Variants in SGTA observed in about 807,000 individuals in gnomAD.
SGTA encodes the protein small glutamine-rich tetratricopeptide repeat-containing protein alpha.
Under a neutral mutation model 44.3 loss-of-function variants are expected in SGTA, and 22 were observed. The ratio of observed to expected loss-of-function variants is 0.50; its 90% CI spans 0.36 to 0.71. The LOEUF (loss-of-function observed/expected upper bound fraction) is 0.71. SGTA is among the 30% of genes least tolerant of loss of function. SGTA has a pLI of 0.00. For missense variants in SGTA, 341 were observed against 435.9 expected, an observed-to-expected ratio of 0.78 and a Z score of 1.94; for synonymous variants, 174 against 177.6, an observed-to-expected ratio of 0.98 and a Z score of 0.16.
chr19:2,757,532 C>A, intron 10 of SGTA, 75 bp from the exon 11 acceptor site: 1 of 1,551,348 alleles, frequency 6.4e-7, no homozygotes, highest in Non-Finnish European at 8.7e-7. Context: ...CCAGCTGACC[C>A]CTCGGGCCCT....
intron 1 of SGTA, among the ~76,000 whole-genome samples, chr19:2,781,056 C>T (rs948591049): frequency 3.3e-5 from 5 of 152,200 alleles, no homozygotes; most frequent in African/African-American, 1.2e-4. Context: ...GCACTCCAGC[C>T]TGGGCGACAG....
At chr19:2,775,357 C>A (rs1915421957) in intron 1 of SGTA, among the ~76,000 whole-genome samples, 1 of 152,208 alleles carries the variant, frequency 6.6e-6, no homozygotes, top group Non-Finnish European at 1.5e-5. Context: ...ACCGCATAAC[C>A]CACCCCGCGC....
intron 1 of SGTA, among the ~76,000 whole-genome samples, chr19:2,774,223 C>A (rs1351837297): frequency 6.6e-6 from 1 of 152,224 alleles, no homozygotes; most frequent in Admixed American, 6.5e-5. Context: ...CGTGACGACT[C>A]CAACAAGCGG....
Position 2,763,602 on chromosome 19 carries a change from G to A in SGTA, c.497+51C>T, listed in dbSNP as rs766329865. 1.6e-6 allele frequency: 2 copies of A among 1,271,816 alleles called. No homozygotes were observed. The highest frequency in any genetic ancestry group is 2.2e-6 in the Non-Finnish European group (2 of 891,030). 78.8% of individuals were successfully genotyped at this position (1,271,816 alleles called of 1,614,324 possible). A position where few individuals can be genotyped will look rare whatever the true frequency, so the allele number is the denominator to read the frequency against. ...CACAAGAGAGGAAGCAGGAGCAGGA[G>A]AGGAGGGGTCCCGAGAGACTGGAAA... is the stretch of plus-strand genomic sequence containing the variant. On this transcript the variant is annotated intron_variant, in intron 6 of 11. Coordinates refer to ENST00000221566, the MANE Select transcript of SGTA (RefSeq NM_003021.4). The surrounding 1 kb of genome is among the most constrained non-coding windows in gnomAD (Gnocchi z 5.8).
intron 1 of SGTA, among the ~76,000 whole-genome samples, chr19:2,771,629 C>T (rs1356847542): frequency 4.0e-5 from 6 of 151,872 alleles, no homozygotes; most frequent in Non-Finnish European, 8.8e-5. Context: ...AGTGAACACC[C>T]CCACACAGGC....
intron 1 of SGTA, chr19:2,770,768 C>G (rs1479812351): frequency 1.3e-5 from 2 of 153,168 alleles, no homozygotes; most frequent in African/African-American, 4.8e-5. Flanking sequence ...GGCCATGTGG[C>G]CACACGAAGA....
Position 2,755,330 on chromosome 19 carries a change from G to T in SGTA, c.*610C>A. Reference sequence around the variant, plus strand: ...AAACTGGTCCTATGCACCCAGGACGGCTCCTGAGCCGCGGAGGCGTGGGGT... The same window carrying T: ...AAACTGGTCCTATGCACCCAGGACGTCTCCTGAGCCGCGGAGGCGTGGGGT... On this transcript the variant is annotated 3_prime_UTR_variant, in exon 12 of 12. Transcript: ENST00000221566. This position sits in a 1 kb window ranked among gnomAD's most constrained non-coding sequence, Gnocchi z 5.2. 1.1e-6 allele frequency: 1 copy of T among 888,712 alleles called. No homozygotes were observed. Among genetic ancestry groups the T allele is most frequent in the Non-Finnish European group, 1.4e-6 (1 of 739,588 alleles). 55.1% of individuals were successfully genotyped at this position (888,712 alleles called of 1,614,324 possible). A position where few individuals can be genotyped will look rare whatever the true frequency, so the allele number is the denominator to read the frequency against.
chr19:2,774,277 C>T (rs758385306), intron 1 of SGTA, among the ~76,000 whole-genome samples: 14 of 152,156 alleles, frequency 9.2e-5, no homozygotes, highest in East Asian at 1.9e-4. Context: ...TGGGCAGGGA[C>T]GCGTGGTCGC....
chr19:2,771,028 T>G (rs1300962055), intron 1 of SGTA, among the ~76,000 whole-genome samples: 3 of 152,226 alleles, frequency 2.0e-5, no homozygotes, highest in Admixed American at 6.5e-5. Context: ...CGCCTCCATG[T>G]CTGTAAAATG....
intron 1 of SGTA, among the ~76,000 whole-genome samples, chr19:2,778,460 G>C (rs893282132): frequency 6.6e-5 from 10 of 152,002 alleles, no homozygotes; most frequent in African/African-American, 1.9e-4. Flanking sequence ...CTGTACCCCA[G>C]GGCTTTTGCA....
intron 9 of SGTA, 53 bp from the exon 10 acceptor site, chr19:2,757,835 A>C: frequency 8.0e-7 from 1 of 1,253,462 alleles, no homozygotes; most frequent in Non-Finnish European, 1.1e-6. Flanking sequence ...CGCCACCCCC[A>C]CTGCAGGCCC....
chr19:2,756,246 T>G (rs181008408), intron 11 of SGTA, among the ~76,000 whole-genome samples: 1 of 147,488 alleles, frequency 6.8e-6, no homozygotes, highest in African/African-American at 2.5e-5. Flanking sequence ...AAAGCTTATT[T>G]AAAAAAAAAA....
intron 7 of SGTA, 52 bp downstream of exon 7, chr19:2,762,454 A>C: frequency 6.3e-7 from 1 of 1,597,196 alleles, no homozygotes; most frequent in East Asian, 2.2e-5. Context: ...CCTGTCCCCC[A>C]CCCACACAGT....
chr19:2,761,785 G>T lies in SGTA; in HGVS notation c.637-263C>A, dbSNP rs1012290314. On this transcript the variant is annotated intron_variant, in intron 7 of 11. Coordinates refer to ENST00000221566, the MANE Select transcript of SGTA (RefSeq NM_003021.4). The surrounding 1 kb of genome is among the most constrained non-coding windows in gnomAD (Gnocchi z 5.7). ...TCATCCCGTGTTTATTCCCCGCACA[G>T]CGCGACCGCCCGGGGACGGCACAGT... 1.4e-5 allele frequency among the ~76,000 whole-genome samples: 2 copies of T among 142,734 alleles called. No individual in the cohort carries two copies. Among genetic ancestry groups the T allele is most frequent in the African/African-American group, 5.3e-5 (2 of 37,544 alleles). The allele number at this position is 142,734 out of a possible 152,430, so 93.6% of individuals were successfully genotyped here.
At chr19:2,760,479 C>G (rs918367120) in intron 8 of SGTA, among the ~76,000 whole-genome samples, 3 of 138,200 alleles carry the variant, frequency 2.2e-5, no homozygotes, top group Non-Finnish European at 4.5e-5. Context: ...GATCACACCA[C>G]TGCACTCCAA....
chr19:2,762,441 G>A (rs1915022272), intron 7 of SGTA, 65 bp downstream of exon 7: 2 of 1,573,140 alleles, frequency 1.3e-6, no homozygotes, highest in African/African-American at 1.4e-5. Context: ...GTGCGCCCGA[G>A]GACCTGTCCC....
chr19:2,761,382 G>T lies in SGTA; in HGVS notation c.699+78C>A. 7.7e-7 allele frequency: 1 copy of T among 1,294,074 alleles called. No individual in the cohort carries two copies. Among genetic ancestry groups the T allele is most frequent in the East Asian group, 2.5e-5 (1 of 39,632 alleles). 80.2% of individuals were successfully genotyped at this position (1,294,074 alleles called of 1,614,324 possible). On this transcript the variant is annotated intron_variant, in intron 8 of 11. Coordinates refer to ENST00000221566, the MANE Select transcript of SGTA (RefSeq NM_003021.4). This position sits in a 1 kb window ranked among gnomAD's most constrained non-coding sequence, Gnocchi z 5.7. ...GCAGTGCCAAGGCAAGGAAGCCCTG[G>T]CCAGTAGCGGACACAGCAGATGCGG...
At chr19:2,764,907 T>C (rs1915097392) in intron 5 of SGTA, among the ~76,000 whole-genome samples, 1 of 152,110 alleles carries the variant, frequency 6.6e-6, no homozygotes, top group African/African-American at 2.4e-5. Flanking sequence ...ACGGGGGTCT[T>C]GATATGTTGC....
At chr19:2,774,128 T>C (rs1234824648) in intron 1 of SGTA, among the ~76,000 whole-genome samples, 1 of 152,220 alleles carries the variant, frequency 6.6e-6, no homozygotes, top group Admixed American at 6.5e-5. Context: ...TTCAGCTGCC[T>C]GGTCTATGGC....
Sources: gnomAD v4.1 joint callset for allele counts (sites outside exome capture counted in the v4.1 genomes callset) on GRCh38, gnomAD v4.1.1 for gene constraint, Gnocchi (gnomAD v3.1) non-coding constraint, MANE v1.5 for transcripts, NCBI Gene and HGNC (gene_info 2026-07-23, HGNC 2026-07-21) for gene names.